Variants in PGS1 observed in about 807,000 individuals in gnomAD.
The protein encoded by PGS1 is CDP-diacylglycerol--glycerol-3-phosphate 3-phosphatidyltransferase, mitochondrial.
Under a neutral mutation model 58.3 loss-of-function variants are expected in PGS1, and 44 were observed. The ratio of observed to expected loss-of-function variants is 0.75; its 90% CI spans 0.59 to 0.97. The LOEUF is 0.97. Among genes scored for constraint, PGS1 ranks in the 50% least tolerant of loss-of-function variants. PGS1 has a pLI of 0.00. For synonymous variants in PGS1, 330 were observed against 311.0 expected, an observed-to-expected ratio of 1.06 and a Z score of -0.64; for missense variants, 684 against 731.1, an observed-to-expected ratio of 0.94 and a Z score of 0.74.
intron 8 of PGS1, among the ~76,000 whole-genome samples, chr17:78,416,411 A>G (rs1033626189): frequency 1.3e-5 from 2 of 152,214 alleles, no homozygotes; most frequent in African/African-American, 4.8e-5. Context: ...GCTCTGTGCC[A>G]GGGCGGTAGA....
intron 1 of PGS1, among the ~76,000 whole-genome samples, chr17:78,386,978 A>T (rs1164018364): frequency 1.3e-5 from 2 of 151,062 alleles, no homozygotes; most frequent in Non-Finnish European, 1.5e-5. Flanking sequence ...GATGATGATG[A>T]TGGTGATGAT....
intron 9 of PGS1, among the ~76,000 whole-genome samples, chr17:78,423,146 G>A (rs74001308): frequency 0.025 from 3,755 of 151,716 alleles, 144 homozygotes; most frequent in African/African-American, 0.086. Context: ...GTCCCCCTGG[G>A]ATCCGTCTTT....
At chr17:78,413,910 GC>G (rs531953666) in intron 7 of PGS1, among the ~76,000 whole-genome samples, 133 of 152,294 alleles carry the variant, frequency 8.7e-4, no homozygotes, top group African/African-American at 3.2e-3. Context: ...TCGTAGTGTG[GC>G]CCCCCCTGCC....
intron 8 of PGS1, among the ~76,000 whole-genome samples, chr17:78,416,771 T>C (rs150888849): frequency 1.4e-3 from 207 of 152,312 alleles, no homozygotes; most frequent in African/African-American, 4.9e-3. Flanking sequence ...CGCAGAAATA[T>C]GTTTCCAGAT....
chr17:78,417,928 ATTTT>A (rs55853667), intron 8 of PGS1, among the ~76,000 whole-genome samples: 14 of 128,298 alleles, frequency 1.1e-4, no homozygotes, highest in Admixed American at 1.6e-4. Flanking sequence ...GCATATATAA[ATTTT>A]TTTTTTTTTT....
At chr17:78,389,229 T>C (rs8073753) in intron 1 of PGS1, among the ~76,000 whole-genome samples, 30,285 of 150,848 alleles carry the variant, frequency 0.2, 3,761 homozygotes, top group African/African-American at 0.36. Flanking sequence ...CTCTGTTGCC[T>C]AGGCTGGAGT....
At chr17:78,391,961 GGTGCTTCCTTGAATA>G (rs1452057644) in intron 1 of PGS1, among the ~76,000 whole-genome samples, 2 of 152,272 alleles carry the variant, frequency 1.3e-5, no homozygotes, top group East Asian at 3.9e-4. Context: ...TCTTTTTCTG[GGTGCTTCCTTGAATA>G]GAAATCTTGT....
At chr17:78,404,533 C>T (rs1443780560) in intron 7 of PGS1, among the ~76,000 whole-genome samples, 1 of 152,066 alleles carries the variant, frequency 6.6e-6, no homozygotes, top group African/African-American at 2.4e-5. Context: ...GCCTGCCTTG[C>T]CTCCCAAGAA....
At chr17:78,411,150 G>C (rs536326076) in intron 7 of PGS1, among the ~76,000 whole-genome samples, 1 of 152,182 alleles carries the variant, frequency 6.6e-6, no homozygotes, top group Admixed American at 6.5e-5. Flanking sequence ...GTCTGGGGCC[G>C]GAGTTTCCTG....
intron 9 of PGS1, among the ~76,000 whole-genome samples, chr17:78,423,505 G>A (rs1014629216): frequency 3.3e-5 from 5 of 152,118 alleles, no homozygotes; most frequent in African/African-American, 9.7e-5. Flanking sequence ...CAGGCCAGAG[G>A]GTGTGAGTGC....
At position 78,394,200 on chromosome 17, in the gene PGS1, GAA is replaced by G. The variant is rs1406328408; in HGVS notation, c.333+1536_333+1537del. On this transcript the variant is annotated intron_variant, in intron 2 of 9. Transcript: ENST00000262764. Reference sequence around the variant, plus strand: ...AAAAAAAAAAAAAAAAAAAAAAAAAGAATGAAGGTCTGATGGGGCCAGGCAAG... The same window carrying G: ...AAAAAAAAAAAAAAAAAAAAAAAAAGTGAAGGTCTGATGGGGCCAGGCAAG... Among the ~76,000 whole-genome samples the G allele has an allele frequency of 2.7e-5, 3 of 112,996 alleles. No homozygotes were observed. In the East Asian group the frequency reaches 8.5e-4, roughly 32 times the overall value. The allele number at this position is 112,996 out of a possible 152,430, so 74.1% of individuals were successfully genotyped here.
In PGS1 at chr17:78,424,212, G is replaced by A; in HGVS notation, c.*162G>A. ...CTGCCAGTAAGTGAGGGAGGGGCTG[G>A]CAGGAAGGGTGGGGTCCTCACACTC... On this transcript the variant is annotated 3_prime_UTR_variant, in exon 10 of 10. Transcript: ENST00000262764. 6.4e-7 allele frequency: 1 copy of A among 1,551,846 alleles called. No individual in the cohort carries two copies. Among genetic ancestry groups the A allele is most frequent in the Admixed American group, 1.8e-5 (1 of 56,478 alleles).
chr17:78,394,393 A>G (rs1377480005), intron 2 of PGS1, among the ~76,000 whole-genome samples: 3 of 151,638 alleles, frequency 2.0e-5, no homozygotes, highest in African/African-American at 4.8e-5. Flanking sequence ...TTCAGAGTGC[A>G]TTCTTTGTGT....
At chr17:78,391,709 C>G (rs1008082580) in intron 1 of PGS1, among the ~76,000 whole-genome samples, 2 of 152,112 alleles carry the variant, frequency 1.3e-5, no homozygotes, top group African/African-American at 4.8e-5. Flanking sequence ...AACACCTGAC[C>G]TTAGGTTGTC....
At chr17:78,406,752 C>T (rs1454050063) in intron 7 of PGS1, among the ~76,000 whole-genome samples, 2 of 151,862 alleles carry the variant, frequency 1.3e-5, no homozygotes, top group African/African-American at 4.9e-5. Flanking sequence ...GCAGCTTTGA[C>T]CTTTGGGGAG....
chr17:78,400,166 C>A lies in PGS1; in HGVS notation c.702-511C>A, dbSNP rs2083543111. ...TTGGGAGGCTGAGGCAGAGGGATCA[C>A]CTGACGTTAGAAGTTCAAGACCAGC... On this transcript the variant is annotated intron_variant, in intron 5 of 9. Coordinates refer to ENST00000262764, the MANE Select transcript of PGS1 (RefSeq NM_024419.5). The surrounding 1 kb of genome is among the most constrained non-coding windows in gnomAD (Gnocchi z 4.4). 1 of 176,832 alleles carries A rather than the reference C, an allele frequency of 5.7e-6. No individual in the cohort carries two copies. The highest frequency in any genetic ancestry group is 1.2e-5 in the Non-Finnish European group (1 of 83,236). 11.0% of individuals were successfully genotyped at this position (176,832 alleles called of 1,614,324 possible).
At chr17:78,403,527 C>T in intron 6 of PGS1, 41 bp from the exon 7 acceptor site, 1 of 1,588,844 alleles carries the variant, frequency 6.3e-7, no homozygotes, top group Non-Finnish European at 8.6e-7. Flanking sequence ...TCCAGACCCT[C>T]CATTTCTCTT....
At chr17:78,410,107 A>G (rs1159418526) in intron 7 of PGS1, among the ~76,000 whole-genome samples, 2 of 47,646 alleles carry the variant, frequency 4.2e-5, no homozygotes, top group African/African-American at 1.1e-4. Flanking sequence ...CGTCTCAAAA[A>G]CAAAACAAAA....
chr17:78,378,853 G>C, intron 1 of PGS1, 45 bp downstream of exon 1: 1 of 1,357,762 alleles, frequency 7.4e-7, no homozygotes, highest in Non-Finnish European at 9.4e-7. Context: ...CGCGGCTGCA[G>C]CCCGGCCCCC....
Sources: allele counts gnomAD v4.1 joint callset (sites outside exome capture counted in the v4.1 genomes callset), GRCh38; gene constraint gnomAD v4.1.1; non-coding constraint Gnocchi (gnomAD v3.1); transcripts MANE v1.5; gene names NCBI Gene and HGNC (gene_info 2026-07-23, HGNC 2026-07-21).